The following LRTM1 variants were observed in gnomAD, a reference collection of about 807,000 sequenced individuals.
The protein encoded by LRTM1 is leucine-rich repeat and transmembrane domain-containing protein 1.
LRTM1 carries 38 observed loss-of-function variants against 32.4 expected under a neutral mutation model. The ratio of observed to expected loss-of-function variants is 1.17; its 90% CI spans 0.91 to 1.54. The LOEUF is 1.54. Among genes scored for constraint, LRTM1 ranks in the 40% most tolerant of loss-of-function variants. LRTM1 has a pLI of 0.00. For synonymous variants in LRTM1, 186 were observed against 169.9 expected (o/e 1.09, Z -0.74); for missense variants, 466 against 415.4 (o/e 1.12, Z -1.06).
At chr3:54,941,298 A>G (rs965602588) in intron 1 of LRTM1, among the ~76,000 whole-genome samples, 1 of 152,248 alleles carries the variant, frequency 6.6e-6, no homozygotes, top group Non-Finnish European at 1.5e-5. Flanking sequence ...GGATATGATC[A>G]TAATCAGCCC....
At chr3:54,930,861 G>A (rs1249113871), upstream of LRTM1, among the ~76,000 whole-genome samples, 1 of 152,184 alleles carries the variant, frequency 6.6e-6, no homozygotes, top group East Asian at 1.9e-4. Flanking sequence ...ACTTTGGGAG[G>A]CTGAGTAGGT....
intron 1 of LRTM1, among the ~76,000 whole-genome samples, chr3:54,952,728 A>G (rs1701790378): frequency 6.6e-6 from 1 of 152,150 alleles, no homozygotes; most frequent in Non-Finnish European, 1.5e-5. Context: ...CCAGATGGGA[A>G]AGCTCTCTCA....
At chr3:54,933,215 A>G (rs572173645) in intron 1 of LRTM1, among the ~76,000 whole-genome samples, 1 of 152,320 alleles carries the variant, frequency 6.6e-6, no homozygotes, top group South Asian at 2.1e-4. Flanking sequence ...AATCCCATTA[A>G]TCATGTATTT....
At chr3:54,931,527 G>T (rs1370285202), upstream of LRTM1, among the ~76,000 whole-genome samples, 1 of 152,180 alleles carries the variant, frequency 6.6e-6, no homozygotes, top group Admixed American at 6.5e-5. Flanking sequence ...AGGAACCAAG[G>T]AGAGATGCTG....
chr3:54,925,333 C>T (rs1315852093), intron 1 of LRTM1, 118 bp from the exon 2 acceptor site: 6 of 794,224 alleles, frequency 7.6e-6, no homozygotes, highest in African/African-American at 5.1e-5. Flanking sequence ...CCTTCTACAA[C>T]CTGCAAGAGA....
At chr3:54,938,713 T>G (rs934705045) in intron 1 of LRTM1, among the ~76,000 whole-genome samples, 6 of 151,890 alleles carry the variant, frequency 4.0e-5, no homozygotes, top group Admixed American at 3.9e-4. Flanking sequence ...AAAAATAAAT[T>G]TTTATTTTTA....
intron 1 of LRTM1, among the ~76,000 whole-genome samples, chr3:54,947,310 G>GTGGAATAA (rs1175367684): frequency 2.0e-5 from 3 of 152,160 alleles, no homozygotes; most frequent in Non-Finnish European, 4.4e-5. Context: ...GAAGAAAAGG[G>GTGGAATAA]TGGAATAATC....
At chr3:54,940,123 T>C (rs898616597) in intron 1 of LRTM1, among the ~76,000 whole-genome samples, 2 of 152,112 alleles carry the variant, frequency 1.3e-5, no homozygotes, top group African/African-American at 2.4e-5. Context: ...ACTCACCACA[T>C]TGGTGTCTAG....
At chr3:54,956,790 C>T (rs1701907319) in intron 1 of LRTM1, among the ~76,000 whole-genome samples, 1 of 152,086 alleles carries the variant, frequency 6.6e-6, no homozygotes, top group Non-Finnish European at 1.5e-5. Flanking sequence ...TGCAAATATT[C>T]TAGAGTGTTT....
chr3:54,952,234 A>T (rs1485952758), intron 1 of LRTM1, among the ~76,000 whole-genome samples: 1 of 152,136 alleles, frequency 6.6e-6, no homozygotes, highest in Non-Finnish European at 1.5e-5. Flanking sequence ...GAGACAAAGG[A>T]TGTTGGCCTT....
intron 1 of LRTM1, among the ~76,000 whole-genome samples, chr3:54,963,382 T>C (rs1174536588): frequency 6.6e-6 from 1 of 152,138 alleles, no homozygotes; most frequent in Non-Finnish European, 1.5e-5. Flanking sequence ...CATCGTCCAG[T>C]AGAAGTCTCT....
At chr3:54,960,663 C>T (rs1288719061) in intron 1 of LRTM1, among the ~76,000 whole-genome samples, 1 of 152,194 alleles carries the variant, frequency 6.6e-6, no homozygotes, top group Non-Finnish European at 1.5e-5. Flanking sequence ...GCCTGATACC[C>T]AGGGGGACAA....
chr3:54,948,063 A>T (rs1226150107), intron 1 of LRTM1, among the ~76,000 whole-genome samples: 1 of 152,202 alleles, frequency 6.6e-6, no homozygotes, highest in Admixed American at 6.5e-5. Flanking sequence ...CCTTCTACGG[A>T]GGAGATGGTG....
At chr3:54,934,985 G>C (rs539729361) in intron 1 of LRTM1, among the ~76,000 whole-genome samples, 1 of 152,194 alleles carries the variant, frequency 6.6e-6, no homozygotes, top group African/African-American at 2.4e-5. Context: ...TGATCCACCC[G>C]CCTTGGCCTC....
At chr3:54,924,494 G>A (rs540703499) in intron 2 of LRTM1, 125 bp downstream of exon 2, 11 of 742,634 alleles carry the variant, frequency 1.5e-5, no homozygotes, top group Admixed American at 7.2e-5. Context: ...AAATGGCACC[G>A]ATGTGTAAAA....
At chr3:54,931,515 AG>A (rs1269958468), upstream of LRTM1, among the ~76,000 whole-genome samples, 7 of 152,152 alleles carry the variant, frequency 4.6e-5, no homozygotes, top group African/African-American at 1.2e-4. Context: ...GCTTGCAAAA[AG>A]AGGAACCAAG....
At position 54,918,573 on chromosome 3, in the gene LRTM1, G is replaced by A; in HGVS notation, c.924C>T (p.Ile308=). The change falls in exon 3 of 3, where the codon ATC becomes ATT. Residue 308 remains isoleucine, a synonymous_variant. Coordinates refer to ENST00000273286, the MANE Select transcript of LRTM1 (RefSeq NM_020678.4). The part of the protein sequence containing the change: ...IVCLMMLAAA[I]YGCTYAAITA... ...TGATTGCCGCATAGGTGCAGCCATA[G>A]ATGGCAGCTGCCAACATCATGAGAC... is the stretch of plus-strand genomic sequence containing the variant. The A allele has an allele frequency of 6.2e-7, 1 of 1,614,112 alleles. No individual in the cohort carries two copies.
At chr3:54,936,866 T>G (rs988209535) in intron 1 of LRTM1, among the ~76,000 whole-genome samples, 1 of 152,168 alleles carries the variant, frequency 6.6e-6, no homozygotes, top group Non-Finnish European at 1.5e-5. Flanking sequence ...TTGTCAACAT[T>G]TCATTTGTGA....
Position 54,955,837 on chromosome 3 carries a change from C to T in LRTM1, c.-222+11091G>A, listed in dbSNP as rs763182098. On this transcript the variant is annotated intron_variant, in intron 1 of 2. Coordinates refer to the LRTM1 transcript ENST00000493075. ...CACAGCCCACCCTCAGGAGACCTGA[C>T]CAGCTAAGCCTGCTCACGAAACCTG... Among the ~76,000 whole-genome samples, 16 of 152,132 alleles carry T rather than the reference C, an allele frequency of 1.1e-4. 1 individual carries two copies. Among genetic ancestry groups the T allele is most frequent in the Admixed American group, 5.2e-4 (8 of 15,270 alleles).
Sources: gnomAD v4.1 joint callset for allele counts (sites outside exome capture counted in the v4.1 genomes callset) on GRCh38, gnomAD v4.1.1 for gene constraint, MANE v1.5 for transcripts, NCBI Gene and HGNC (gene_info 2026-07-23, HGNC 2026-07-21) for gene names.